CEBPZOS: variants seen among roughly 807,000 people sequenced by gnomAD.
CEBPZOS encodes the protein CEBPZ opposite strand.
CEBPZOS carries 10 observed loss-of-function variants against 4.8 expected under a neutral mutation model. The ratio of observed to expected loss-of-function variants is 2.07; its 90% confidence interval spans 1.28 to 3.52. The LOEUF (loss-of-function observed/expected upper bound fraction) is 3.52. Ranked by LOEUF, CEBPZOS falls within the 30% of genes most tolerant of loss-of-function variation. The probability of loss-of-function intolerance (pLI) is 0.00; values close to 1 mark genes in which losing one functional copy is unlikely to be tolerated. For synonymous variants in CEBPZOS, 25 were observed against 14.2 expected (o/e 1.77, Z -1.72); for missense variants, 98 against 43.6 (o/e 2.25, Z -3.51).
At chr2:37,213,843 A>G, downstream of CEBPZOS, 1 of 1,514,582 alleles carries the variant, frequency 6.6e-7, no homozygotes, top group Non-Finnish European at 9.1e-7. Flanking sequence ...TATTTTACAA[A>G]GAGTCAACAA....
At chr2:37,211,048 T>C (rs1250213758) in intron 4 of CEBPZOS, 1 of 1,612,510 alleles carries the variant, frequency 6.2e-7, no homozygotes, top group Admixed American at 1.7e-5. Flanking sequence ...TTCTCTTGCT[T>C]TTCTTAGTAC....
chr2:37,205,123 T>C (rs1677488304), downstream of CEBPZOS, among the ~76,000 whole-genome samples: 1 of 152,230 alleles, frequency 6.6e-6, no homozygotes, highest in African/African-American at 2.4e-5. Context: ...ATCATAGTTA[T>C]TACAGGACTA....
At chr2:37,213,953 T>C (rs1460845385), downstream of CEBPZOS, 1 of 1,526,346 alleles carries the variant, frequency 6.6e-7, no homozygotes, top group Non-Finnish European at 8.9e-7. Flanking sequence ...AGCAACTTTT[T>C]TATAATACCT....
chr2:37,202,478 C>G lies in CEBPZOS; in HGVS notation c.*618C>G, dbSNP rs6735809. ...TGGCCAACATGGTGAAACCCTGTTT[C>G]TACTAAAAATACAAAAATTAGCTGG... is the stretch of plus-strand genomic sequence containing the variant. On this transcript the variant is annotated 3_prime_UTR_variant, in exon 5 of 5. Coordinates refer to ENST00000402297, the MANE Select transcript of CEBPZOS (RefSeq NM_001322374.2). The G allele has an allele frequency of 1.9e-3, 380 of 199,716 alleles. 3 individuals are homozygous for G. The Middle Eastern group carries it at 0.025, about 13-fold the overall frequency. The allele number at this position is 199,716 out of a possible 1,614,324, so 12.4% of individuals were successfully genotyped here. A position where few individuals can be genotyped will look rare whatever the true frequency, so the allele number is the denominator to read the frequency against.
At chr2:37,213,822 T>TA (rs748773912), downstream of CEBPZOS, 7 of 1,322,084 alleles carry the variant, frequency 5.3e-6, no homozygotes, top group South Asian at 1.2e-5. Flanking sequence ...TATTAACACA[T>TA]AGTAGTAGAT....
chr2:37,205,749 C>T (rs1005669293), downstream of CEBPZOS, among the ~76,000 whole-genome samples: 2 of 152,234 alleles, frequency 1.3e-5, no homozygotes, highest in African/African-American at 4.8e-5. Context: ...ACAGTGCTTT[C>T]TACATTTTTA....
At chr2:37,206,368 C>CT (rs958656458), downstream of CEBPZOS, among the ~76,000 whole-genome samples, 8 of 152,278 alleles carry the variant, frequency 5.3e-5, no homozygotes, top group African/African-American at 1.9e-4. Context: ...TTTTTTGTTT[C>CT]TTTTTTTGAG....
At chr2:37,201,239 G>C (rs1429527606) in intron 3 of CEBPZOS, 147 bp downstream of exon 3, 2 of 594,848 alleles carry the variant, frequency 3.4e-6, no homozygotes, top group South Asian at 2.2e-5. Context: ...ATCTATTCTA[G>C]TGAGAGGAGA....
intron 4 of CEBPZOS, chr2:37,211,974 T>C (rs188301757): frequency 1.2e-6 from 2 of 1,613,248 alleles, no homozygotes; most frequent in African/African-American, 1.3e-5. Flanking sequence ...AAGTTCATCA[T>C]CACTACCTTC....
chr2:37,212,035 C>T lies in CEBPZOS; in HGVS notation c.*3-1402C>T, dbSNP rs574810548. On this transcript the variant is annotated intron_variant, in intron 4 of 4. Coordinates refer to the CEBPZOS transcript ENST00000397064. Reference sequence around the variant, plus strand: ...TTAGCTCCTTTTGTTCTCTTTTTCACGTTTCTGGAAAAAAACACAACTTGT... The same window carrying T: ...TTAGCTCCTTTTGTTCTCTTTTTCATGTTTCTGGAAAAAAACACAACTTGT... 52 of 1,572,488 alleles carry T rather than the reference C, an allele frequency of 3.3e-5. No homozygotes were observed. Among genetic ancestry groups the T allele is most frequent in the African/African-American group, 2.3e-4 (17 of 72,566 alleles).
At chr2:37,208,451 C>T (rs1003626450), downstream of CEBPZOS, among the ~76,000 whole-genome samples, 1 of 152,172 alleles carries the variant, frequency 6.6e-6, no homozygotes, top group African/African-American at 2.4e-5. Context: ...ACACCATGAT[C>T]AAGTGGGTTT....
intron 4 of CEBPZOS, chr2:37,210,901 T>G: frequency 2.5e-4 from 131 of 525,120 alleles, no homozygotes; most frequent in East Asian, 5.5e-4. Flanking sequence ...CACCCCTGAA[T>G]TTTATTAATC....
chr2:37,198,947 G>T (rs532556189), intron 1 of CEBPZOS, among the ~76,000 whole-genome samples: 1 of 152,024 alleles, frequency 6.6e-6, no homozygotes, highest in African/African-American at 2.4e-5. Context: ...TGAGCTCACG[G>T]GTTCGAGACC....
At chr2:37,213,026 GAC>G (rs781747865) in intron 4 of CEBPZOS, among the ~76,000 whole-genome samples, 3 of 152,000 alleles carry the variant, frequency 2.0e-5, no homozygotes, top group Non-Finnish European at 4.4e-5. Context: ...CAGCCTGGGA[GAC>G]AGAGAGAGCC....
At chr2:37,215,269 A>G, downstream of CEBPZOS, 1 of 196,052 alleles carries the variant, frequency 5.1e-6, no homozygotes, top group Non-Finnish European at 1.0e-5. Flanking sequence ...GAGAAATAAA[A>G]AATTCAAAGA....
intron 4 of CEBPZOS, among the ~76,000 whole-genome samples, chr2:37,212,886 A>T (rs995328308): frequency 2.2e-4 from 33 of 151,550 alleles, no homozygotes; most frequent in Admixed American, 1.1e-3. Flanking sequence ...AAACAAAAAA[A>T]AAACGAGCCG....
chr2:37,201,194 C>T, intron 3 of CEBPZOS, 102 bp downstream of exon 3: 2 of 647,414 alleles, frequency 3.1e-6, no homozygotes, highest in Non-Finnish European at 5.6e-6. Flanking sequence ...CAATACTATT[C>T]ACATGTATTT....
At chr2:37,201,400 C>G in intron 3 of CEBPZOS, 1 of 500,184 alleles carries the variant, frequency 2.0e-6, no homozygotes, top group Non-Finnish European at 3.5e-6. Context: ...CTTCTTGGAG[C>G]TGTCTCTTTC....
At chr2:37,216,105 C>T (rs760892509), downstream of CEBPZOS, 3 of 1,460,488 alleles carry the variant, frequency 2.1e-6, no homozygotes, top group East Asian at 6.8e-5. Flanking sequence ...CTTATATTGT[C>T]TTTTCAGTTT....
Sources: allele counts gnomAD v4.1 joint callset (sites outside exome capture counted in the v4.1 genomes callset), GRCh38; gene constraint gnomAD v4.1.1; transcripts MANE v1.5; gene names NCBI Gene and HGNC (gene_info 2026-07-23, HGNC 2026-07-21).